ELMOD1: variants seen among roughly 807,000 people sequenced by gnomAD.
ELMOD1 encodes ELMO domain containing 1.
A neutral mutation model predicts 46.7 loss-of-function variants in ELMOD1; 21 were observed. That is an observed-to-expected ratio of 0.45 (90% CI 0.32 to 0.65). The LOEUF (loss-of-function observed/expected upper bound fraction) is 0.65, where lower values mean the gene tolerates loss of function less well. Among genes scored for constraint, ELMOD1 ranks in the 30% least tolerant of loss-of-function variants. ELMOD1 has a pLI of 0.04. For synonymous variants in ELMOD1, 122 were observed against 138.2 expected (o/e 0.88, Z 0.82); for missense variants, 348 against 407.8 (o/e 0.85, Z 1.26).
chr11:107,597,969 T>C lies in ELMOD1; in HGVS notation c.-86+6560T>C, dbSNP rs192787714. 3.3e-5 allele frequency among the ~76,000 whole-genome samples: 5 copies of C among 152,350 alleles called. No homozygotes were observed. The East Asian group carries it at 9.6e-4, about 29-fold the overall frequency. On this transcript the variant is annotated intron_variant, in intron 1 of 11. Transcript: ENST00000265840. Reference sequence around the variant, plus strand: ...AATCAAATTAGACAACGATGGAAGATGAACATGTGTTTGTTCTGAGTGTAC... The same window carrying C: ...AATCAAATTAGACAACGATGGAAGACGAACATGTGTTTGTTCTGAGTGTAC...
At chr11:107,597,368 C>T (rs983331003) in intron 1 of ELMOD1, among the ~76,000 whole-genome samples, 2 of 152,162 alleles carry the variant, frequency 1.3e-5, no homozygotes, top group Non-Finnish European at 2.9e-5. Flanking sequence ...AGTTTTAGTT[C>T]ACTTGAGCGT....
chr11:107,645,335 T>G (rs774269888), intron 6 of ELMOD1, among the ~76,000 whole-genome samples: 3 of 151,600 alleles, frequency 2.0e-5, no homozygotes, highest in Admixed American at 6.6e-5. Context: ...TTGTTTTTTG[T>G]TTTTTTTAGA....
intron 2 of ELMOD1, among the ~76,000 whole-genome samples, chr11:107,629,903 G>A (rs1368424702): frequency 6.6e-6 from 1 of 152,076 alleles, no homozygotes; most frequent in Non-Finnish European, 1.5e-5. Context: ...CTAAGGGAAA[G>A]CAGAGGGAAA....
chr11:107,609,915 G>C (rs1435198060), intron 1 of ELMOD1, among the ~76,000 whole-genome samples: 7 of 152,096 alleles, frequency 4.6e-5, no homozygotes, highest in Admixed American at 2.6e-4. Context: ...CTTTATTTTA[G>C]TTAAAAATAA....
chr11:107,663,658 T>C (rs597471), intron 11 of ELMOD1, among the ~76,000 whole-genome samples: 6 of 152,158 alleles, frequency 3.9e-5, no homozygotes, highest in African/African-American at 1.4e-4. Flanking sequence ...CCATGTGTGT[T>C]GGGGGCAGTG....
chr11:107,639,534 T>C (rs1866283911), intron 6 of ELMOD1, among the ~76,000 whole-genome samples: 1 of 152,150 alleles, frequency 6.6e-6, no homozygotes. Context: ...ATGATGACCT[T>C]GGTGAGAAGC....
intron 5 of ELMOD1, among the ~76,000 whole-genome samples, chr11:107,634,734 C>CT: frequency 6.6e-6 from 1 of 152,160 alleles, no homozygotes; most frequent in Non-Finnish European, 1.5e-5. Context: ...GAGCAAGACT[C>CT]TGTCTCAAAA....
intron 11 of ELMOD1, among the ~76,000 whole-genome samples, chr11:107,661,147 A>G (rs929847848): frequency 1.8e-4 from 28 of 152,218 alleles, no homozygotes; most frequent in African/African-American, 6.8e-4. Context: ...AGAGAGTCCC[A>G]GGGAATCAGT....
intron 1 of ELMOD1, among the ~76,000 whole-genome samples, chr11:107,613,657 A>G (rs1865816169): frequency 1.3e-5 from 2 of 152,330 alleles, no homozygotes; most frequent in South Asian, 4.1e-4. Flanking sequence ...AATTTTTTTC[A>G]GGTAAGCCAA....
chr11:107,608,990 G>A (rs1413997812), intron 1 of ELMOD1, among the ~76,000 whole-genome samples: 3 of 152,192 alleles, frequency 2.0e-5, no homozygotes, highest in Non-Finnish European at 4.4e-5. Flanking sequence ...CGGGAGCCAA[G>A]CTGAAAGGGT....
intron 1 of ELMOD1, among the ~76,000 whole-genome samples, chr11:107,617,274 A>G (rs1865878383): frequency 6.6e-6 from 1 of 152,194 alleles, no homozygotes; most frequent in Non-Finnish European, 1.5e-5. Context: ...TCTAGTTGGC[A>G]ATGTGTCTCT....
chr11:107,603,876 TAAA>T (rs34698436), intron 1 of ELMOD1, among the ~76,000 whole-genome samples: 1 of 134,634 alleles, frequency 7.4e-6, no homozygotes, highest in Non-Finnish European at 1.6e-5. Context: ...AGACCTTGTC[TAAA>T]AAAAAAAAAA....
chr11:107,644,432 C>T (rs564964522), intron 6 of ELMOD1, among the ~76,000 whole-genome samples: 10 of 152,224 alleles, frequency 6.6e-5, no homozygotes, highest in Non-Finnish European at 1.2e-4. Flanking sequence ...CTTTTGCCAT[C>T]TTGCTGCACT....
At chr11:107,644,763 C>T (rs972182622) in intron 6 of ELMOD1, among the ~76,000 whole-genome samples, 3 of 152,094 alleles carry the variant, frequency 2.0e-5, no homozygotes, top group Admixed American at 6.5e-5. Context: ...CGTAAGCCAC[C>T]GCACCCAGCC....
chr11:107,628,772 T>A (rs909240993), intron 2 of ELMOD1, among the ~76,000 whole-genome samples: 1 of 151,640 alleles, frequency 6.6e-6, no homozygotes, highest in Admixed American at 6.6e-5. Flanking sequence ...TTTCATTTTT[T>A]AAATAAAATA....
intron 11 of ELMOD1, 24 bp downstream of exon 11, chr11:107,656,090 T>C: frequency 1.3e-6 from 2 of 1,550,920 alleles, no homozygotes; most frequent in Non-Finnish European, 1.7e-6. Context: ...TGTATAATTA[T>C]CAATATAGGT....
At chr11:107,653,888 G>A (rs1246578480) in intron 9 of ELMOD1, 2 of 356,750 alleles carry the variant, frequency 5.6e-6, no homozygotes, top group Non-Finnish European at 1.0e-5. Context: ...TTTCAGGAAG[G>A]AGGGGTTTGA....
intron 11 of ELMOD1, among the ~76,000 whole-genome samples, chr11:107,659,642 G>T (rs1467262061): frequency 5.9e-5 from 8 of 136,090 alleles, no homozygotes; most frequent in African/African-American, 2.4e-4. Flanking sequence ...CTAGAGGGGG[G>T]TTGGGTGGGT....
chr11:107,649,559 C>A (rs1481421777), intron 7 of ELMOD1, among the ~76,000 whole-genome samples: 1 of 152,024 alleles, frequency 6.6e-6, no homozygotes, highest in Non-Finnish European at 1.5e-5. Context: ...AAGAGGAAAC[C>A]CAGATAACTG....
Sources: allele counts gnomAD v4.1 joint callset (sites outside exome capture counted in the v4.1 genomes callset), GRCh38; gene constraint gnomAD v4.1.1; transcripts MANE v1.5; gene names NCBI Gene and HGNC (gene_info 2026-07-23, HGNC 2026-07-21).